LY9: variants seen among roughly 807,000 people sequenced by gnomAD.
The protein encoded by LY9 is T-lymphocyte surface antigen Ly-9.
In LY9, 59 loss-of-function variants were observed where a neutral mutation model predicts 64.6. The ratio of observed to expected loss-of-function variants is 0.91; its 90% CI spans 0.74 to 1.13. The LOEUF (loss-of-function observed/expected upper bound fraction) is 1.13, where lower values mean the gene tolerates loss of function less well. Ranked by LOEUF, LY9 falls within the 50% of genes most tolerant of loss-of-function variation. LY9 has a pLI of 0.00. For missense variants in LY9, 789 were observed against 797.2 expected (o/e 0.99, Z 0.12); for synonymous variants, 281 against 308.5 (o/e 0.91, Z 0.93).
At chr1:160,809,887 A>C (rs1667333237) in intron 2 of LY9, 1 of 151,904 alleles carries the variant, frequency 6.6e-6, no homozygotes, top group African/African-American at 2.4e-5. Context: ...TTTATGTTTT[A>C]TGTTTGTTTT....
chr1:160,822,380 GC>G (rs1463992130), intron 7 of LY9, among the ~76,000 whole-genome samples: 1 of 152,150 alleles, frequency 6.6e-6, no homozygotes, highest in Non-Finnish European at 1.5e-5. Flanking sequence ...AAGGCTGGTT[GC>G]CGCACCCTAA....
intron 6 of LY9, among the ~76,000 whole-genome samples, chr1:160,818,951 G>A (rs985072362): frequency 6.6e-6 from 1 of 152,198 alleles, no homozygotes; most frequent in African/African-American, 2.4e-5. Flanking sequence ...AGCTCCTCTA[G>A]AATCCCAGTA....
intron 2 of LY9, chr1:160,800,298 T>G (rs908686344): frequency 1.9e-6 from 1 of 532,398 alleles, no homozygotes; most frequent in Non-Finnish European, 3.3e-6. Context: ...TCTTACTGTA[T>G]GTTTGTACCC....
intron 5 of LY9, 123 bp downstream of exon 5, chr1:160,816,986 G>A (rs550804365): frequency 7.7e-5 from 67 of 874,450 alleles, no homozygotes; most frequent in Non-Finnish European, 1.0e-4. Flanking sequence ...AGAGTGGCAT[G>A]CTTCCACAGA....
chr1:160,814,647 T>C lies in LY9; in HGVS notation c.958T>C (p.Cys320Arg). The C allele has an allele frequency of 1.2e-6, 2 of 1,614,098 alleles. No homozygotes were observed. The highest frequency in any genetic ancestry group is 1.1e-5 in the South Asian group (1 of 91,078). ...KNRVWVSSQD[C>R]SLKISQLKIE... ...CAGGGTGTGGGTCTCCAGCCAGGAC[T>C]GCTCCCTGAAGATCAGCCAGCTGAA... The change falls in exon 4 of 10, where the codon TGC (cysteine) becomes CGC (arginine). Residue 320 changes from cysteine to arginine, a missense_variant. Cys to Arg is a radical substitution (Grantham distance 180). Transcript: ENST00000263285.
chr1:160,821,657 G>A (rs746375927), intron 7 of LY9, among the ~76,000 whole-genome samples: 2 of 152,152 alleles, frequency 1.3e-5, no homozygotes, highest in Non-Finnish European at 2.9e-5. Context: ...TGTTCAAAAG[G>A]CGATATAACC....
At chr1:160,800,178 GC>G (rs2101737727) in intron 2 of LY9, 96 bp downstream of exon 2, 1 of 883,318 alleles carries the variant, frequency 1.1e-6, no homozygotes, top group South Asian at 1.7e-5. Context: ...TGTATATAGT[GC>G]ATACTGATCA....
At chr1:160,817,959 T>A (rs1415520955) in intron 5 of LY9, among the ~76,000 whole-genome samples, 1 of 152,102 alleles carries the variant, frequency 6.6e-6, no homozygotes, top group East Asian at 1.9e-4. Context: ...GAACCTCAGG[T>A]CAGACACTTG....
intron 1 of LY9, chr1:160,797,353 G>A (rs1229798175): frequency 2.2e-6 from 2 of 895,118 alleles, no homozygotes; most frequent in African/African-American, 1.8e-5. Context: ...CCTAGATGCA[G>A]ATATGGGTGA....
Position 160,823,808 on chromosome 1 carries a change from T to C in LY9, c.1830+12T>C. ...TGTTCAACTTACAGGTGAGCCCTTC[T>C]GATCAATACACCTTCCTCCTCCTCC... On this transcript the variant is annotated intron_variant, in intron 8 of 9. Coordinates refer to ENST00000263285, the MANE Select transcript of LY9 (RefSeq NM_002348.4). 1.3e-6 allele frequency: 2 copies of C among 1,582,168 alleles called. No homozygotes were observed. The highest frequency in any genetic ancestry group is 1.1e-5 in the South Asian group (1 of 90,016).
At chr1:160,802,595 C>CCAGTG in intron 2 of LY9, 1 of 985,534 alleles carries the variant, frequency 1.0e-6, no homozygotes, top group Middle Eastern at 5.2e-4. Flanking sequence ...ACTGTAGCTG[C>CCAGTG]CAGTGTACAC....
In LY9 at chr1:160,814,428, G is replaced by A; in HGVS notation, c.739G>A (p.Ala247Thr). The A allele has an allele frequency of 2.5e-6, 4 of 1,606,406 alleles. No individual in the cohort carries two copies. Among genetic ancestry groups the A allele is most frequent in the Non-Finnish European group, 3.4e-6 (4 of 1,175,392 alleles). ...HVGQFCTDPG[A>T]SRGGTTGETV... ...CTCATCTGTGACCCCAGATCCAGGA[G>A]CCTCCAGAGGAGGAACAACGGGGGA... Residue 247 changes from alanine (A) to threonine (T), a missense_variant, in exon 4 of 10, where the codon GCC becomes ACC. Physicochemically the swap from Ala to Thr is moderately conservative, Grantham distance 58. Transcript: ENST00000263285.
rs145903479 is a variant in LY9, at chr1:160,814,724, C to T, written c.1035C>T (p.Ser345=). 2.1e-4 allele frequency: 339 copies of T among 1,613,972 alleles called. No homozygotes were observed. In the East Asian group the frequency reaches 5.5e-3, roughly 26 times the overall value. Residue 345 remains serine (S), a synonymous_variant, in exon 4 of 10, where the codon AGC becomes AGT. Transcript: ENST00000263285. ...YHAYVCSEAS[S]VTSMTHVTLL... is the part of the protein sequence containing the mutation. ...CCTACGTGTGCTCAGAGGCCTCCAGCGTCACCAGCATGACACATGTCACCC... is the reference window on the plus strand; with the variant it reads ...CCTACGTGTGCTCAGAGGCCTCCAGTGTCACCAGCATGACACATGTCACCC...
chr1:160,818,341 T>C (rs3817407), intron 6 of LY9, 22 bp downstream of exon 6: 397,789 of 1,574,242 alleles, frequency 0.25, 53,519 homozygotes, highest in Admixed American at 0.45. Flanking sequence ...AGATCAATGT[T>C]GTCCGCCAGT....
At chr1:160,818,104 C>T in intron 5 of LY9, 114 bp from the exon 6 acceptor site, 1 of 700,936 alleles carries the variant, frequency 1.4e-6, no homozygotes, top group South Asian at 1.8e-5. Context: ...AAAGACTTTC[C>T]ACAACGTCAT....
In LY9 at chr1:160,796,989, C is replaced by A. The variant is rs952067595; in HGVS notation, c.124+678C>A. The A allele has an allele frequency of 1.3e-5, 4 of 308,586 alleles. No individual in the cohort carries two copies. The East Asian group carries it at 6.9e-4, about 53-fold the overall frequency. 19.1% of individuals were successfully genotyped at this position (308,586 alleles called of 1,614,324 possible). On this transcript the variant is annotated intron_variant, in intron 1 of 9. Transcript: ENST00000263285. The stretch of plus-strand genomic sequence containing the variant: ...TTTCTATGTATCCTGCCTTGGTTAT[C>A]ATATATGCTGGCTTTATTACTGAGG...
chr1:160,810,456 A>G (rs758791620), intron 2 of LY9: 5 of 152,070 alleles, frequency 3.3e-5, no homozygotes, highest in Admixed American at 3.3e-4. Context: ...TGTGTTGTCT[A>G]TGTCCTAATC....
In LY9 at chr1:160,828,112, T is replaced by G. The variant is rs2101848679; in HGVS notation, c.*296T>G. ...AATTCTACCAAGACTGGTCAAATGTTGCTGAGGGGCCTGGACCAGCTGTCC... is the reference window on the plus strand; with the variant it reads ...AATTCTACCAAGACTGGTCAAATGTGGCTGAGGGGCCTGGACCAGCTGTCC... On this transcript the variant is annotated 3_prime_UTR_variant, in exon 10 of 10. Coordinates refer to ENST00000263285, the MANE Select transcript of LY9 (RefSeq NM_002348.4). The G allele has an allele frequency of 4.8e-6, 1 of 206,396 alleles. No individual in the cohort carries two copies. Among genetic ancestry groups the G allele is most frequent in the East Asian group, 1.1e-4 (1 of 8,972 alleles). 12.8% of individuals were successfully genotyped at this position (206,396 alleles called of 1,614,324 possible). A position where few individuals can be genotyped will look rare whatever the true frequency, so the allele number is the denominator to read the frequency against.
Position 160,809,422 on chromosome 1 carries a change from C to T in LY9, c.455-4214C>T, listed in dbSNP as rs11578322. 5.3e-3 allele frequency among the ~76,000 whole-genome samples: 799 copies of T among 151,712 alleles called. 7 individuals carry two copies. The highest frequency in any genetic ancestry group is 0.018 in the African/African-American group (762 of 41,368). On this transcript the variant is annotated intron_variant, in intron 2 of 9. Transcript: ENST00000263285. ...GTCTCATTTTGTTGTCCAGGCTAGT[C>T]GCAAACTCCTGGACTCAAGCTGTCC...
Sources: gnomAD v4.1 joint callset for allele counts (sites outside exome capture counted in the v4.1 genomes callset) on GRCh38, gnomAD v4.1.1 for gene constraint, MANE v1.5 for transcripts, NCBI Gene and HGNC (gene_info 2026-07-23, HGNC 2026-07-21) for gene names.